The following TOR1AIP2 variants were observed in gnomAD, a reference collection of about 807,000 sequenced individuals.
TOR1AIP2 encodes the protein torsin-1A-interacting protein 2.
Under a neutral mutation model 32.6 loss-of-function variants are expected in TOR1AIP2, and 20 were observed. That is an observed-to-expected ratio of 0.61 (90% CI 0.43 to 0.89). The LOEUF (loss-of-function observed/expected upper bound fraction) is 0.89, where lower values mean the gene tolerates loss of function less well. TOR1AIP2 is among the 40% of genes least tolerant of loss of function. The probability of loss-of-function intolerance (pLI) is 0.00; values close to 1 mark genes in which losing one functional copy is unlikely to be tolerated. For missense variants in TOR1AIP2, 456 were observed against 553.8 expected, an observed-to-expected ratio of 0.82 and a Z score of 1.77; for synonymous variants, 214 against 210.8, an observed-to-expected ratio of 1.02 and a Z score of -0.13.
chr1:179,867,535 A>G (rs1469605326), intron 2 of TOR1AIP2: 1 of 152,250 alleles, frequency 6.6e-6, no homozygotes, highest in Non-Finnish European at 1.5e-5. Context: ...TAAAAAATTA[A>G]AAGTCTGACA....
chr1:179,867,704 T>G (rs965373773), intron 2 of TOR1AIP2: 4 of 152,136 alleles, frequency 2.6e-5, no homozygotes, highest in African/African-American at 9.7e-5. Context: ...CCCAGAGGAC[T>G]CTATTGGTAG....
rs1251057990 is a variant in TOR1AIP2 at position 179,860,600 on chromosome 1, GTA to G, written c.-147+4834_-147+4835del. The G allele has an allele frequency of 1.9e-5, 19 of 985,250 alleles. No individual in the cohort carries two copies. In the South Asian group the frequency reaches 3.8e-4, roughly 19 times the overall value. The allele number at this position is 985,250 out of a possible 1,614,324, so 61.0% of individuals were successfully genotyped here. On this transcript the variant is annotated intron_variant, in intron 3 of 6. Coordinates refer to ENST00000609928, the MANE Select transcript of TOR1AIP2 (RefSeq NM_001199260.2). ...AGATTTAGTATGTGCCATATGTTTG[GTA>G]TATGTTATTGCACTTAAACCTCACA...
intron 2 of TOR1AIP2, among the ~76,000 whole-genome samples, chr1:179,871,866 T>C (rs1450852885): frequency 6.6e-6 from 1 of 152,132 alleles, no homozygotes; most frequent in Non-Finnish European, 1.5e-5. Context: ...TTAAGGAGTA[T>C]GAAAAAAGGA....
intron 3 of TOR1AIP2, chr1:179,861,409 A>G (rs929053269): frequency 4.1e-6 from 4 of 985,324 alleles, no homozygotes; most frequent in Middle Eastern, 5.2e-4. Flanking sequence ...CCTTTGCTCA[A>G]TTTTATGAGC....
At chr1:179,852,516 A>G in intron 4 of TOR1AIP2, 116 bp downstream of exon 4, 1 of 1,047,432 alleles carries the variant, frequency 9.5e-7, no homozygotes, top group Non-Finnish European at 1.5e-6. Flanking sequence ...AAATGAACCC[A>G]CTGAATTAGC....
At chr1:179,859,232 A>T in intron 3 of TOR1AIP2, 1 of 926,378 alleles carries the variant, frequency 1.1e-6, no homozygotes, top group Non-Finnish European at 1.3e-6. Flanking sequence ...TGTGCCAGGC[A>T]TCATTCACAG....
intron 2 of TOR1AIP2, among the ~76,000 whole-genome samples, chr1:179,867,376 A>C (rs1357989506): frequency 6.6e-6 from 1 of 152,214 alleles, no homozygotes; most frequent in Non-Finnish European, 1.5e-5. Context: ...CTTGGTGCTG[A>C]TAGCACAGGG....
rs1377654886 is a variant in TOR1AIP2, at chr1:179,851,268, G to A, written c.130C>T (p.His44Tyr). The A allele has an allele frequency of 1.9e-6, 3 of 1,611,824 alleles. No individual in the cohort carries two copies. The African/African-American group carries it at 4.0e-5, about 22-fold the overall frequency. The change falls in exon 5 of 7, where the codon CAC (histidine) becomes TAC (tyrosine). Residue 44 changes from histidine to tyrosine, a missense_variant. Physicochemically the swap from His to Tyr is moderately conservative, Grantham distance 83. Transcript: ENST00000609928. ...ASNAEEAEILHSACGLSKDHQ... is the reference protein window; with the variant it reads ...ASNAEEAEILYSACGLSKDHQ... ...TCTTTGCTAAGACCACAGGCAGAGT[G>A]TAGGATCTCAGCTTCTTCAGCATTA...
chr1:179,865,193 A>T, intron 3 of TOR1AIP2: 1 of 1,576,206 alleles, frequency 6.3e-7, no homozygotes, highest in South Asian at 1.2e-5. Flanking sequence ...CTAGAAAGAC[A>T]ACACAGACAG....
Position 179,865,480 on chromosome 1 carries a change from CAAG to C in TOR1AIP2, c.-194_-192del, listed in dbSNP as rs1459797173. On this transcript the variant is annotated 5_prime_UTR_variant, in exon 3 of 7. Coordinates refer to ENST00000609928, the MANE Select transcript of TOR1AIP2 (RefSeq NM_001199260.2). Reference sequence around the variant, plus strand: ...ATAGCTCCTTCAAATCCCAGCTTCTCAAGAAGAGATAGGGCTCTAGTCTAAATT... The same window carrying C: ...ATAGCTCCTTCAAATCCCAGCTTCTCAAGAGATAGGGCTCTAGTCTAAATT... The C allele has an allele frequency of 1.3e-5, 4 of 314,586 alleles. No homozygotes were observed. Among genetic ancestry groups the C allele is most frequent in the African/African-American group, 4.3e-5 (2 of 46,624 alleles). The allele number at this position is 314,586 out of a possible 1,614,324, so 19.5% of individuals were successfully genotyped here.
chr1:179,860,760 AT>A (rs1291053705), intron 3 of TOR1AIP2: 1 of 985,310 alleles, frequency 1.0e-6, no homozygotes, highest in African/African-American at 1.7e-5. Flanking sequence ...CAAGGCCATT[AT>A]TTTGCCTCTA....
intron 3 of TOR1AIP2, among the ~76,000 whole-genome samples, chr1:179,858,768 A>G (rs1696403461): frequency 6.6e-6 from 1 of 152,194 alleles, no homozygotes; most frequent in Non-Finnish European, 1.5e-5. Flanking sequence ...TGGGAGAGCA[A>G]AAGGACCTTA....
At chr1:179,872,409 T>C (rs944096971) in intron 2 of TOR1AIP2, among the ~76,000 whole-genome samples, 1 of 152,224 alleles carries the variant, frequency 6.6e-6, no homozygotes, top group African/African-American at 2.4e-5. Flanking sequence ...TTATTGTCTG[T>C]CTAAAACTAA....
At position 179,846,788 on chromosome 1, in the gene TOR1AIP2, TGCCACAACA is replaced by T. The variant is rs1470138862; in HGVS notation, c.687_695del (p.Val230_Ala232del). On this transcript the variant is annotated inframe_deletion, in exon 7 of 7. Transcript: ENST00000609928. The stretch of plus-strand genomic sequence containing the variant: ...AGGAATAGTAGCTATTCACAGAACT[TGCCACAACA>T]GCCACAACCAGGACGACAAGAATCA... 6.2e-7 allele frequency: 1 copy of T among 1,610,292 alleles called. No individual in the cohort carries two copies. Among genetic ancestry groups the T allele is most frequent in the Non-Finnish European group, 8.5e-7 (1 of 1,177,454 alleles).
chr1:179,871,616 T>C (rs1697013353), intron 2 of TOR1AIP2, among the ~76,000 whole-genome samples: 1 of 152,206 alleles, frequency 6.6e-6, no homozygotes, highest in Non-Finnish European at 1.5e-5. Context: ...TCCCTTAGAC[T>C]TCAGCCTCAA....
rs1695838209 is a variant in TOR1AIP2 at position 179,844,740 on chromosome 1, T to C, written c.*1331A>G. The C allele has an allele frequency of 6.6e-6, 1 of 152,244 alleles. No individual in the cohort carries two copies. The highest frequency in any genetic ancestry group is 2.4e-5 in the African/African-American group (1 of 41,472). 9.4% of individuals were successfully genotyped at this position (152,244 alleles called of 1,614,324 possible). A position where few individuals can be genotyped will look rare whatever the true frequency, so the allele number is the denominator to read the frequency against. Reference sequence around the variant, plus strand: ...TCTCTAATTTTTAACCTAATGGTACTTCTATAACTAGTTGGTCAAGAAATG... The same window carrying C: ...TCTCTAATTTTTAACCTAATGGTACCTCTATAACTAGTTGGTCAAGAAATG... On this transcript the variant is annotated 3_prime_UTR_variant, in exon 7 of 7. Transcript: ENST00000609928.
Position 179,845,214 on chromosome 1 carries a change from C to CT in TOR1AIP2, c.*856dup. ...TTCAAACTCGAATATCAGTGAAACT[C>CT]TTTGTTCCAATGAAATCTCATAGAG... On this transcript the variant is annotated 3_prime_UTR_variant, in exon 7 of 7. Coordinates refer to ENST00000609928, the MANE Select transcript of TOR1AIP2 (RefSeq NM_001199260.2). The CT allele has an allele frequency of 6.6e-6, 1 of 152,300 alleles. No individual in the cohort carries two copies. The allele number at this position is 152,300 out of a possible 1,614,324, so 9.4% of individuals were successfully genotyped here. A position where few individuals can be genotyped will look rare whatever the true frequency, so the allele number is the denominator to read the frequency against.
intron 5 of TOR1AIP2, among the ~76,000 whole-genome samples, chr1:179,849,974 TACTA>T (rs934771327): frequency 2.0e-4 from 30 of 152,374 alleles, no homozygotes; most frequent in Admixed American, 1.8e-3. Context: ...AAACATGAAT[TACTA>T]GCCCTTGCTG....
chr1:179,869,873 C>A (rs1696944203), intron 2 of TOR1AIP2, among the ~76,000 whole-genome samples: 1 of 152,230 alleles, frequency 6.6e-6, no homozygotes, highest in South Asian at 2.1e-4. Context: ...TATACAGTAA[C>A]CCTCTGTCAG....
Sources: allele counts gnomAD v4.1 joint callset (sites outside exome capture counted in the v4.1 genomes callset), GRCh38; gene constraint gnomAD v4.1.1; transcripts MANE v1.5; gene names NCBI Gene and HGNC (gene_info 2026-07-23, HGNC 2026-07-21).